Variants in NDRG3 observed in about 807,000 individuals in gnomAD.
The protein encoded by NDRG3 is NDRG family member 3.
NDRG3 carries 23 observed loss-of-function variants against 57.2 expected under a neutral mutation model. That is an observed-to-expected ratio of 0.40 (90% confidence interval 0.29 to 0.57). The LOEUF is 0.57. Ranked by LOEUF, NDRG3 falls within the 20% of genes least tolerant of loss-of-function variation. The probability of loss-of-function intolerance (pLI) is 0.42; values close to 1 mark genes in which losing one functional copy is unlikely to be tolerated. For missense variants in NDRG3, 384 were observed against 457.3 expected (o/e 0.84, Z 1.46); for synonymous variants, 132 against 162.6 (o/e 0.81, Z 1.43).
At chr20:36,666,169 C>T in intron 10 of NDRG3, 120 bp downstream of exon 10, 1 of 725,160 alleles carries the variant, frequency 1.4e-6, no homozygotes, top group Non-Finnish European at 2.4e-6. Context: ...CCAGAAGGGG[C>T]TCACATTTTC....
chr20:36,693,117 T>TACAC (rs1982445470), intron 3 of NDRG3, among the ~76,000 whole-genome samples: 1 of 47,910 alleles, frequency 2.1e-5, no homozygotes, highest in South Asian at 7.3e-4. Flanking sequence ...TATATATATA[T>TACAC]ATATATATAT....
In NDRG3 at chr20:36,688,736, C is replaced by G; in HGVS notation, c.142G>C (p.Gly48Arg). ...ACTGGTCTGTTTCCTTTGGGTAAGC[C>G]TCTTATAGTGACGTGGACCACACCA... Reference protein sequence around the residue: ...THGVVHVTIRGLPKGNRPVIL... With the variant: ...THGVVHVTIRRLPKGNRPVIL... Residue 48 changes from glycine (G) to arginine (R), a missense_variant, in exon 4 of 16, where the codon GGC becomes CGC. Transcript: ENST00000349004. The G allele has an allele frequency of 6.2e-7, 1 of 1,614,018 alleles. No individual in the cohort carries two copies. Among genetic ancestry groups the G allele is most frequent in the Non-Finnish European group, 8.5e-7 (1 of 1,179,920 alleles).
At chr20:36,727,929 T>C (rs1181200123) in intron 1 of NDRG3, among the ~76,000 whole-genome samples, 1 of 152,104 alleles carries the variant, frequency 6.6e-6, no homozygotes, top group East Asian at 1.9e-4. Context: ...CCAGGAGCGG[T>C]AGCATGCAAC....
intron 15 of NDRG3, among the ~76,000 whole-genome samples, chr20:36,655,771 G>A (rs920035765): frequency 1.3e-5 from 2 of 152,186 alleles, no homozygotes; most frequent in Admixed American, 1.3e-4. Context: ...CCTTGGCAAT[G>A]TGCTTAGTCT....
At chr20:36,693,145 C>T (rs1363763961) in intron 3 of NDRG3, among the ~76,000 whole-genome samples, 111 of 74,382 alleles carry the variant, frequency 1.5e-3, no homozygotes, top group African/African-American at 4.1e-3. Context: ...TATATATACA[C>T]ACACACACAT....
intron 10 of NDRG3, among the ~76,000 whole-genome samples, 159 bp downstream of exon 10, chr20:36,666,130 C>T (rs1979612486): frequency 6.6e-6 from 1 of 152,194 alleles, no homozygotes; most frequent in African/African-American, 2.4e-5. Flanking sequence ...TGATCCATTT[C>T]CTCAATCTTT....
chr20:36,668,747 A>C (rs1979851241), intron 9 of NDRG3: 1 of 151,488 alleles, frequency 6.6e-6, no homozygotes, highest in Admixed American at 6.6e-5. Flanking sequence ...AATTAAACAT[A>C]TATTTTTTAT....
chr20:36,706,906 A>AGT, intron 3 of NDRG3, 66 bp downstream of exon 3: 2 of 1,381,780 alleles, frequency 1.4e-6, no homozygotes, highest in Non-Finnish European at 2.0e-6. Context: ...CAAGACCACC[A>AGT]CCACAGGAAA....
chr20:36,680,552 A>G (rs180956609), intron 8 of NDRG3, among the ~76,000 whole-genome samples: 2 of 152,144 alleles, frequency 1.3e-5, no homozygotes, highest in Non-Finnish European at 2.9e-5. Flanking sequence ...AAAACAGATA[A>G]AACTTATCTC....
At chr20:36,702,297 G>A (rs965082611) in intron 3 of NDRG3, among the ~76,000 whole-genome samples, 4 of 151,558 alleles carry the variant, frequency 2.6e-5, no homozygotes, top group African/African-American at 9.7e-5. Flanking sequence ...CCACTATGCC[G>A]GCTAATTTTT....
At chr20:36,672,503 C>T (rs1450162625) in intron 8 of NDRG3, among the ~76,000 whole-genome samples, 1 of 152,142 alleles carries the variant, frequency 6.6e-6, no homozygotes, top group Non-Finnish European at 1.5e-5. Flanking sequence ...GAAATCTTCA[C>T]ATAGGTTATC....
intron 1 of NDRG3, among the ~76,000 whole-genome samples, chr20:36,737,637 A>C (rs1446550948): frequency 6.6e-6 from 1 of 152,174 alleles, no homozygotes; most frequent in Non-Finnish European, 1.5e-5. Context: ...ACAGCTAGCA[A>C]GCAGCAGAGC....
intron 1 of NDRG3, 84 bp from the exon 2 acceptor site, chr20:36,721,867 AAT>A: frequency 1.6e-6 from 1 of 639,962 alleles, no homozygotes; most frequent in Non-Finnish European, 2.7e-6. Flanking sequence ...CATTCATTCA[AAT>A]ATGAGACTTA....
chr20:36,671,505 C>T lies in NDRG3; in HGVS notation c.532-108G>A, dbSNP rs529840775. 6 of 847,094 alleles carry T rather than the reference C, an allele frequency of 7.1e-6. No homozygotes were observed. In the South Asian group the frequency reaches 9.6e-5, roughly 14 times the overall value. The allele number at this position is 847,094 out of a possible 1,614,324, so 52.5% of individuals were successfully genotyped here. On this transcript the variant is annotated intron_variant, in intron 8 of 15. Coordinates refer to ENST00000349004, the MANE Select transcript of NDRG3 (RefSeq NM_032013.4). The stretch of plus-strand genomic sequence containing the variant: ...ATTATATATGTTATCTCTTTAAAAA[C>T]AAATGAAAAACCCTTGGCCAGGTGC...
intron 1 of NDRG3, among the ~76,000 whole-genome samples, chr20:36,734,564 A>C (rs1279197623): frequency 1.3e-5 from 2 of 152,152 alleles, no homozygotes; most frequent in African/African-American, 4.8e-5. Flanking sequence ...AGGGGAGATA[A>C]GGTCTATAAA....
chr20:36,707,809 T>C (rs1983632066), intron 2 of NDRG3, among the ~76,000 whole-genome samples: 1 of 151,722 alleles, frequency 6.6e-6, no homozygotes, highest in African/African-American at 2.4e-5. Context: ...AGGGGCCGAG[T>C]GTGGTGGCTC....
intron 3 of NDRG3, among the ~76,000 whole-genome samples, chr20:36,691,578 T>C (rs1428874836): frequency 1.3e-5 from 2 of 152,158 alleles, no homozygotes; most frequent in Non-Finnish European, 2.9e-5. Context: ...CCAGGCATGA[T>C]GGCAGGTGCC....
At position 36,685,542 on chromosome 20, in the gene NDRG3, C is replaced by T. The variant is rs374833473; in HGVS notation, c.321-1067G>A. ...CCAGGGCTGGTCTTGAATTCCTGGC[C>T]TCAGGTGATCCTCCTACCTCAGCCT... On this transcript the variant is annotated intron_variant, in intron 5 of 15. Coordinates refer to ENST00000349004, the MANE Select transcript of NDRG3 (RefSeq NM_032013.4). Among the ~76,000 whole-genome samples, 20 of 152,192 alleles carry T rather than the reference C, an allele frequency of 1.3e-4. 1 individual carries two copies. The East Asian group carries it at 1.9e-3, about 15-fold the overall frequency.
At chr20:36,666,729 T>C (rs1258163489) in intron 9 of NDRG3, among the ~76,000 whole-genome samples, 1 of 152,200 alleles carries the variant, frequency 6.6e-6, no homozygotes, top group Non-Finnish European at 1.5e-5. Context: ...AGAGATATTG[T>C]AAAATGAAGA....
Sources: allele counts gnomAD v4.1 joint callset (sites outside exome capture counted in the v4.1 genomes callset), GRCh38; gene constraint gnomAD v4.1.1; transcripts MANE v1.5; gene names NCBI Gene and HGNC (gene_info 2026-07-23, HGNC 2026-07-21).